NR2E1: variants seen among roughly 807,000 people sequenced by gnomAD.
NR2E1 encodes the protein nuclear receptor TLX.
A neutral mutation model predicts 43.6 loss-of-function variants in NR2E1; 5 were observed. The ratio of observed to expected loss-of-function variants is 0.11; its 90% CI spans 0.06 to 0.24. NR2E1 has a LOEUF of 0.24. NR2E1 is among the 10% of genes least tolerant of loss of function. The probability of loss-of-function intolerance (pLI) is 1.00; values close to 1 mark genes in which losing one functional copy is unlikely to be tolerated. For missense variants in NR2E1, 287 were observed against 496.7 expected, an observed-to-expected ratio of 0.58 and a Z score of 4.01; for synonymous variants, 191 against 195.5, an observed-to-expected ratio of 0.98 and a Z score of 0.19.
chr6:108,166,661 A>T lies in NR2E1; in HGVS notation c.-105A>T. The T allele has an allele frequency of 1.1e-6, 1 of 944,808 alleles. No individual in the cohort carries two copies. Among genetic ancestry groups the T allele is most frequent in the East Asian group, 2.9e-5 (1 of 34,056 alleles). The allele number at this position is 944,808 out of a possible 1,614,324, so 58.5% of individuals were successfully genotyped here. ...CACCTGTCCCGCCCAGGAGCCTTGC[A>T]GGCTGGAGGGCAGCTGGAGAGCGGC... On this transcript the variant is annotated 5_prime_UTR_variant, in exon 1 of 9. Coordinates refer to ENST00000368986, the MANE Select transcript of NR2E1 (RefSeq NM_003269.5). The surrounding 1 kb of genome is among the most constrained non-coding windows in gnomAD (Gnocchi z 7.2).
intron 3 of NR2E1, 29 bp downstream of exon 3, chr6:108,174,952 T>C: frequency 6.3e-7 from 1 of 1,589,640 alleles, no homozygotes; most frequent in Non-Finnish European, 8.6e-7. Context: ...TATTCCAATG[T>C]TGATTGAGTA....
Position 108,176,719 on chromosome 6 carries a change from T to G in NR2E1, c.476T>G (p.Leu159Arg). Reference protein sequence around the residue: ...TTPERQTLVSLAQPTPKYPHE... With the variant: ...TTPERQTLVSRAQPTPKYPHE... ...CCAGAGCGGCAGACCCTCGTGAGCCTGGCTCAGCCCACGCCCAAGGTCAGC... is the reference window on the plus strand; with the variant it reads ...CCAGAGCGGCAGACCCTCGTGAGCCGGGCTCAGCCCACGCCCAAGGTCAGC... Residue 159 changes from leucine to arginine, a missense_variant, in exon 4 of 9, where the codon CTG becomes CGG. Coordinates refer to ENST00000368986, the MANE Select transcript of NR2E1 (RefSeq NM_003269.5). The G allele has an allele frequency of 6.3e-7, 1 of 1,578,412 alleles. No individual in the cohort carries two copies. The highest frequency in any genetic ancestry group is 8.6e-7 in the Non-Finnish European group (1 of 1,167,436).
chr6:108,185,562 C>A (rs940698800), intron 8 of NR2E1, among the ~76,000 whole-genome samples: 1 of 152,088 alleles, frequency 6.6e-6, no homozygotes, highest in Non-Finnish European at 1.5e-5. Flanking sequence ...AGGTGCCCAG[C>A]GAATTTTTGT....
At chr6:108,178,601 T>C (rs1773937473) in intron 5 of NR2E1, among the ~76,000 whole-genome samples, 1 of 152,194 alleles carries the variant, frequency 6.6e-6, no homozygotes, top group South Asian at 2.1e-4. Flanking sequence ...ACTAAGAACA[T>C]TGGAACTGAG....
At chr6:108,187,207 A>G in intron 8 of NR2E1, 94 bp from the exon 9 acceptor site, 1 of 1,396,532 alleles carries the variant, frequency 7.2e-7, no homozygotes, top group Non-Finnish European at 1.0e-6. Context: ...GACCTAGATC[A>G]GCAATGCTGG....
intron 8 of NR2E1, among the ~76,000 whole-genome samples, chr6:108,185,761 GACTA>G (rs2114683912): frequency 6.6e-6 from 1 of 152,306 alleles, no homozygotes; most frequent in African/African-American, 2.4e-5. Context: ...TTTGTTGACT[GACTA>G]ACCAACCCTT....
chr6:108,181,858 A>G (rs1479163243), intron 8 of NR2E1, among the ~76,000 whole-genome samples: 1 of 152,230 alleles, frequency 6.6e-6, no homozygotes, highest in African/African-American at 2.4e-5. Flanking sequence ...AAGCACTGCC[A>G]GACATATTAC....
intron 8 of NR2E1, among the ~76,000 whole-genome samples, chr6:108,186,876 A>G (rs1774084327): frequency 6.6e-6 from 1 of 152,184 alleles, no homozygotes; most frequent in Non-Finnish European, 1.5e-5. Context: ...AAAAGAAGCC[A>G]TTTTATTTGA....
Position 108,176,576 on chromosome 6 carries a change from G to A in NR2E1, c.333G>A (p.Lys111=). ...KQVALYFRGH[K]EENGAAAHFP... ...TGGCCCTCTACTTCCGTGGACACAA[G>A]GAGGAGAACGGGGCCGCCGCGCACT... Residue 111 remains lysine, a synonymous_variant, in exon 4 of 9, where the codon AAG becomes AAA. Coordinates refer to ENST00000368986, the MANE Select transcript of NR2E1 (RefSeq NM_003269.5). 1 of 1,613,126 alleles carries A rather than the reference G, an allele frequency of 6.2e-7. No homozygotes were observed. Among genetic ancestry groups the A allele is most frequent in the Non-Finnish European group, 8.5e-7 (1 of 1,179,966 alleles).
At chr6:108,168,161 A>T (rs754722580) in intron 1 of NR2E1, 17 of 1,579,902 alleles carry the variant, frequency 1.1e-5, no homozygotes, top group African/African-American at 1.4e-5. Context: ...AATCTCCAGG[A>T]GGTAAAGCGA....
chr6:108,172,604 G>T (rs2114673066), intron 2 of NR2E1, among the ~76,000 whole-genome samples: 1 of 152,300 alleles, frequency 6.6e-6, no homozygotes, highest in East Asian at 1.9e-4. Context: ...AAAGATCCCT[G>T]AGGGTGCATT....
At chr6:108,186,545 C>T (rs1178462502) in intron 8 of NR2E1, among the ~76,000 whole-genome samples, 1 of 152,144 alleles carries the variant, frequency 6.6e-6, no homozygotes, top group East Asian at 1.9e-4. Context: ...GGGAGCTCTC[C>T]TTATGTATAT....
chr6:108,177,242 T>C (rs746538172), intron 4 of NR2E1, among the ~76,000 whole-genome samples: 6 of 152,248 alleles, frequency 3.9e-5, no homozygotes, highest in Non-Finnish European at 8.8e-5. Context: ...AAGTGCGAAA[T>C]GTGGAGATCA....
At chr6:108,183,762 C>T (rs1408264559) in intron 8 of NR2E1, among the ~76,000 whole-genome samples, 3 of 152,176 alleles carry the variant, frequency 2.0e-5, no homozygotes, top group South Asian at 2.1e-4. Context: ...ACAGATAGTG[C>T]ACCTGTATAT....
Position 108,187,388 on chromosome 6 carries a change from G to A in NR2E1, c.1083G>A (p.Val361=). ...RSISPSTIEE[V]FFKKTIGNVP... ...TTAGCCCATCAACTATAGAAGAAGT[G>A]TTTTTCAAAAAAACCATCGGCAATG... The change falls in exon 9 of 9, where the codon GTG becomes GTA. Residue 361 remains valine (V), a synonymous_variant. Transcript: ENST00000368986. 6.2e-7 allele frequency: 1 copy of A among 1,614,116 alleles called. No individual in the cohort carries two copies. Among genetic ancestry groups the A allele is most frequent in the Non-Finnish European group, 8.5e-7 (1 of 1,180,010 alleles).
intron 1 of NR2E1, among the ~76,000 whole-genome samples, chr6:108,168,444 C>T (rs556927631): frequency 4.6e-5 from 7 of 152,226 alleles, no homozygotes; most frequent in African/African-American, 1.4e-4. Context: ...GGGAGCTCTG[C>T]CCGCCTGCGG....
At chr6:108,177,907 T>G (rs906783763) in intron 4 of NR2E1, among the ~76,000 whole-genome samples, 188 bp from the exon 5 acceptor site, 1 of 152,232 alleles carries the variant, frequency 6.6e-6, no homozygotes, top group Non-Finnish European at 1.5e-5. Context: ...CAACCAGTAT[T>G]ACTTTTCAAA....
In NR2E1 at chr6:108,184,281, A is replaced by T. The variant is rs141328361; in HGVS notation, c.995+2630A>T. Among the ~76,000 whole-genome samples the T allele has an allele frequency of 3.5e-3, 537 of 152,360 alleles. 3 individuals are homozygous for T. Among genetic ancestry groups the T allele is most frequent in the African/African-American group, 0.012 (516 of 41,592 alleles). On this transcript the variant is annotated intron_variant, in intron 8 of 8. Coordinates refer to ENST00000368986, the MANE Select transcript of NR2E1 (RefSeq NM_003269.5). ...TAACTGACCTTTGACATTTAGAGCC[A>T]TTATGGTATTAAGAACTTAAAAATG...
At chr6:108,175,927 C>T (rs953923255) in intron 3 of NR2E1, among the ~76,000 whole-genome samples, 1 of 152,250 alleles carries the variant, frequency 6.6e-6, no homozygotes, top group Non-Finnish European at 1.5e-5. Context: ...CTGCCTTTCT[C>T]CAGCATACTC....
Sources: gnomAD v4.1 joint callset for allele counts (sites outside exome capture counted in the v4.1 genomes callset) on GRCh38, gnomAD v4.1.1 for gene constraint, Gnocchi (gnomAD v3.1) non-coding constraint, MANE v1.5 for transcripts, NCBI Gene and HGNC (gene_info 2026-07-23, HGNC 2026-07-21) for gene names.